The following GRK2 variants were observed in gnomAD, a reference collection of about 807,000 sequenced individuals.
GRK2 encodes the protein G protein-coupled receptor kinase 2.
A neutral mutation model predicts 97.8 loss-of-function variants in GRK2; 23 were observed. The ratio of observed to expected loss-of-function variants is 0.24; its 90% CI spans 0.17 to 0.33. GRK2 has a LOEUF of 0.33. GRK2 is among the 10% of genes least tolerant of loss of function. The pLI is 1.00. For synonymous variants in GRK2, 425 were observed against 381.7 expected (o/e 1.11, Z -1.32); for missense variants, 633 against 956.9 (o/e 0.66, Z 4.47).
In GRK2 at chr11:67,266,825, T is replaced by TGCCCGCGGCCCCG; in HGVS notation, c.113+19_113+31dup. The TGCCCGCGGCCCCG allele has an allele frequency of 8.1e-7, 1 of 1,237,886 alleles. No homozygotes were observed. Among genetic ancestry groups the TGCCCGCGGCCCCG allele is most frequent in the Non-Finnish European group, 1.0e-6 (1 of 974,288 alleles). The allele number at this position is 1,237,886 out of a possible 1,614,324, so 76.7% of individuals were successfully genotyped here. A position where few individuals can be genotyped will look rare whatever the true frequency, so the allele number is the denominator to read the frequency against. ...TGCCCGAGCCCAGGTGAGGAGAAGC[T>TGCCCGCGGCCCCG]GCCCGCGGCCCCGGCCCGACCCCGC... On this transcript the variant is annotated intron_variant, in intron 1 of 20. Transcript: ENST00000308595.
chr11:67,268,691 C>T (rs746227101), intron 1 of GRK2, among the ~76,000 whole-genome samples: 44 of 152,320 alleles, frequency 2.9e-4, no homozygotes, highest in Non-Finnish European at 2.1e-4. Context: ...CCCTGAGAAA[C>T]GAGATGGTCT....
rs976371795 is a variant in GRK2, at chr11:67,266,678, A to G, written c.-22A>G. 8 of 1,045,866 alleles carry G rather than the reference A, an allele frequency of 7.6e-6. No individual in the cohort carries two copies. Among genetic ancestry groups the G allele is most frequent in the East Asian group, 5.4e-5 (1 of 18,504 alleles). 64.8% of individuals were successfully genotyped at this position (1,045,866 alleles called of 1,614,324 possible). A position where few individuals can be genotyped will look rare whatever the true frequency, so the allele number is the denominator to read the frequency against. ...CGGCGGCGGCGGCGGCGGCGGCGGGAGGAGGCAGCGCCGCCGCCAAGATGG... is the reference window on the plus strand; with the variant it reads ...CGGCGGCGGCGGCGGCGGCGGCGGGGGGAGGCAGCGCCGCCGCCAAGATGG... On this transcript the variant is annotated 5_prime_UTR_variant, in exon 1 of 21. Transcript: ENST00000308595.
In GRK2 at chr11:67,266,639, C is replaced by G. The variant is rs1288698151; in HGVS notation, c.-61C>G. ...GCCGCGGCCGGGCCGGGCCGAGCGC[C>G]GAGCGAGCAGGAGCGGCGGCGGCGG... On this transcript the variant is annotated 5_prime_UTR_variant, in exon 1 of 21. Transcript: ENST00000308595. The G allele has an allele frequency of 1.3e-6, 1 of 787,070 alleles. No individual in the cohort carries two copies. The highest frequency in any genetic ancestry group is 1.6e-6 in the Non-Finnish European group (1 of 642,130). The allele number at this position is 787,070 out of a possible 1,614,324, so 48.8% of individuals were successfully genotyped here. A position where few individuals can be genotyped will look rare whatever the true frequency, so the allele number is the denominator to read the frequency against.
intron 5 of GRK2, 61 bp downstream of exon 5, chr11:67,279,761 C>G: frequency 6.2e-7 from 1 of 1,612,184 alleles, no homozygotes. Context: ...GGTCAACAAG[C>G]CTGGTCAGCC....
At chr11:67,266,935 T>G in intron 1 of GRK2, 123 bp downstream of exon 1, 2 of 326,656 alleles carry the variant, frequency 6.1e-6, no homozygotes. Context: ...CGCAACCCCC[T>G]GTCGGCCCCC....
rs1322672208 is a variant in GRK2, at chr11:67,283,218, C to A, written c.1318C>A (p.Leu440Met). The change falls in exon 15 of 21, where the codon CTG becomes ATG. Residue 440 changes from leucine to methionine, a missense_variant. Around this residue, in one of 4 missense-constraint regions of GRK2, gnomAD observed 68 missense variants for 71.0 expected, o/e 0.96. Transcript: ENST00000308595. ...GGATGTCAACCGGAGATTGGGCTGC[C>A]TGGGCCGAGGGTGAGTACCCTGGCG... is the stretch of plus-strand genomic sequence containing the variant. ...QRDVNRRLGC[L>M]GRGAQEVKES... 6.2e-7 allele frequency: 1 copy of A among 1,613,886 alleles called. No individual in the cohort carries two copies.
At chr11:67,280,267 C>A (rs770072271) in intron 6 of GRK2, 9 of 385,914 alleles carry the variant, frequency 2.3e-5, no homozygotes, top group Non-Finnish European at 3.9e-5. Context: ...AGCGCATGGC[C>A]CCCGTGACCC....
At chr11:67,283,685 G>A (rs1267118975) in intron 15 of GRK2, 22 bp from the exon 16 acceptor site, 2 of 1,612,398 alleles carry the variant, frequency 1.2e-6, no homozygotes, top group South Asian at 2.2e-5. Context: ...GCTGAGCCCA[G>A]ATGACTGGCC....
chr11:67,275,114 G>A (rs922386215), intron 1 of GRK2, among the ~76,000 whole-genome samples: 3 of 152,322 alleles, frequency 2.0e-5, no homozygotes, highest in South Asian at 4.1e-4. Context: ...CCAGGGGGTC[G>A]CGGCCTTGGA....
intron 1 of GRK2, among the ~76,000 whole-genome samples, chr11:67,271,800 T>G (rs1464882680): frequency 6.6e-6 from 1 of 152,222 alleles, no homozygotes; most frequent in Non-Finnish European, 1.5e-5. Context: ...CTATTTGATC[T>G]GTGGCCCCGT....
chr11:67,282,841 G>A lies in GRK2; in HGVS notation c.1227+23G>A, dbSNP rs755832834. ...ATGGTGGGTGCAGGTCTCAGTGCAGGGCCGCAGGGGGCTGGGGGGAGCTCC... is the reference window on the plus strand; with the variant it reads ...ATGGTGGGTGCAGGTCTCAGTGCAGAGCCGCAGGGGGCTGGGGGGAGCTCC... On this transcript the variant is annotated intron_variant, in intron 14 of 20. Coordinates refer to ENST00000308595, the MANE Select transcript of GRK2 (RefSeq NM_001619.5). This position sits in a 1 kb window ranked among gnomAD's most constrained non-coding sequence, Gnocchi z 6.9. 1 of 1,597,518 alleles carries A rather than the reference G, an allele frequency of 6.3e-7. No individual in the cohort carries two copies. Among genetic ancestry groups the A allele is most frequent in the Admixed American group, 1.7e-5 (1 of 59,282 alleles).
intron 18 of GRK2, chr11:67,284,589 A>G (rs1860229470): frequency 1.4e-6 from 1 of 708,340 alleles, no homozygotes; most frequent in East Asian, 2.8e-5. Context: ...GTTTGAGACC[A>G]GCCTGGCCAA....
In GRK2 at chr11:67,279,282, C is replaced by A; in HGVS notation, c.264+9C>A. 6.2e-7 allele frequency: 1 copy of A among 1,613,444 alleles called. No homozygotes were observed. ...TGGAATTCTATGAGGAGGTGAGACCCAGAGGCCCAAGCCCTGCTCTGCCTG... is the reference window on the plus strand; with the variant it reads ...TGGAATTCTATGAGGAGGTGAGACCAAGAGGCCCAAGCCCTGCTCTGCCTG... On this transcript the variant is annotated intron_variant, in intron 3 of 20. Coordinates refer to ENST00000308595, the MANE Select transcript of GRK2 (RefSeq NM_001619.5).
intron 1 of GRK2, among the ~76,000 whole-genome samples, chr11:67,270,083 C>T (rs931999490): frequency 1.3e-5 from 2 of 152,250 alleles, no homozygotes; most frequent in African/African-American, 4.8e-5. Flanking sequence ...GGACCTGCCT[C>T]AGTTTCCACC....
intron 18 of GRK2, 60 bp from the exon 19 acceptor site, chr11:67,284,787 C>A: frequency 6.3e-7 from 1 of 1,575,888 alleles, no homozygotes; most frequent in Non-Finnish European, 8.6e-7. Flanking sequence ...GAGACCCTGT[C>A]TCAAAACAAA....
At chr11:67,279,379 G>C in intron 3 of GRK2, 39 bp from the exon 4 acceptor site, 1 of 1,611,436 alleles carries the variant, frequency 6.2e-7, no homozygotes, top group East Asian at 2.2e-5. Flanking sequence ...CCCATTCCCT[G>C]CTGGGCTCTA....
In GRK2 at chr11:67,280,668, C is replaced by T. The variant is rs868385905; in HGVS notation, c.504-64C>T. ...AGGGAGTGGCGGCTGGGTGGGGAGG[C>T]TCACGACAGCATCATCCTTCCCACA... is the stretch of plus-strand genomic sequence containing the variant. On this transcript the variant is annotated intron_variant, in intron 6 of 20. Transcript: ENST00000308595. 1.2e-5 allele frequency: 19 copies of T among 1,593,416 alleles called. No individual in the cohort carries two copies. The Middle Eastern group carries it at 2.8e-3, about 236-fold the overall frequency.
In GRK2 at chr11:67,281,211, A is replaced by G; in HGVS notation, c.647+27A>G. ...TGAGCACCCTGCTCGGCGCGGTGGGATACCTCGGGGAGCCGGGCTCCTGGG... is the reference window on the plus strand; with the variant it reads ...TGAGCACCCTGCTCGGCGCGGTGGGGTACCTCGGGGAGCCGGGCTCCTGGG... On this transcript the variant is annotated intron_variant, in intron 8 of 20. Transcript: ENST00000308595. The surrounding 1 kb of genome is among the most constrained non-coding windows in gnomAD (Gnocchi z 5.7). 1 of 1,593,286 alleles carries G rather than the reference A, an allele frequency of 6.3e-7. No homozygotes were observed. The highest frequency in any genetic ancestry group is 8.6e-7 in the Non-Finnish European group (1 of 1,164,802).
intron 1 of GRK2, among the ~76,000 whole-genome samples, chr11:67,270,148 G>C (rs375787087): frequency 2.6e-5 from 4 of 152,184 alleles, no homozygotes; most frequent in African/African-American, 9.7e-5. Context: ...TCTGGGCCTT[G>C]CCCTGAAGGA....
Sources: gnomAD v4.1 joint callset for allele counts (sites outside exome capture counted in the v4.1 genomes callset) on GRCh38, gnomAD v4.1.1 for gene constraint, gnomAD v4.1.1 regional missense constraint, Gnocchi (gnomAD v3.1) non-coding constraint, MANE v1.5 for transcripts, NCBI Gene and HGNC (gene_info 2026-07-23, HGNC 2026-07-21) for gene names.